Variants in SLIT3 observed in about 807,000 individuals in gnomAD.
The protein encoded by SLIT3 is slit homolog 3 protein.
Under a neutral mutation model 184.0 loss-of-function variants are expected in SLIT3, and 68 were observed. That is an observed-to-expected ratio of 0.37 (90% CI 0.30 to 0.45). The LOEUF is 0.45. Among genes scored for constraint, SLIT3 ranks in the 20% least tolerant of loss-of-function variants. SLIT3 has a pLI of 1.00. For synonymous variants in SLIT3, 831 were observed against 828.6 expected, an observed-to-expected ratio of 1.00 and a Z score of -0.05; for missense variants, 1,707 against 2,026.0, an observed-to-expected ratio of 0.84 and a Z score of 3.02.
At chr5:168,885,719 C>T (rs1581177142) in intron 4 of SLIT3, among the ~76,000 whole-genome samples, 1 of 152,164 alleles carries the variant, frequency 6.6e-6, no homozygotes, top group African/African-American at 2.4e-5. Flanking sequence ...GGGGAGCAAA[C>T]AGGAGAGAGG....
At chr5:169,151,021 G>A (rs1177501147) in intron 4 of SLIT3, among the ~76,000 whole-genome samples, 2 of 152,126 alleles carry the variant, frequency 1.3e-5, no homozygotes, top group East Asian at 1.9e-4. Flanking sequence ...CAGATAAGAA[G>A]GATCTAGTAG....
At chr5:169,177,963 A>G (rs1763034645) in intron 4 of SLIT3, among the ~76,000 whole-genome samples, 1 of 152,020 alleles carries the variant, frequency 6.6e-6, no homozygotes, top group Admixed American at 6.6e-5. Flanking sequence ...AATCACTCTC[A>G]CGTGAGGTTT....
chr5:169,251,457 T>A lies in SLIT3; in HGVS notation c.200A>T (p.Asp67Val). The A allele has an allele frequency of 6.2e-7, 1 of 1,611,042 alleles. No homozygotes were observed. The highest frequency in any genetic ancestry group is 8.5e-7 in the Non-Finnish European group (1 of 1,177,232). Residue 67 changes from aspartate to valine, a missense_variant and splice_region_variant, in exon 2 of 36, where the codon GAC (aspartate) becomes GTC (valine). Around this residue, in one of 3 missense-constraint regions of SLIT3, gnomAD observed 1,307 missense variants for 1,511.6 expected, o/e 0.86. Transcript: ENST00000519560. ...CCTGGTGATATTATTTCTGTCCAGG[T>A]CACTGCAATGGAGAGCAAATTCAGG... The part of the protein sequence containing the change: ...RGIPRNAERL[D>V]LDRNNITRIT...
chr5:168,781,142 A>G (rs1385572714), intron 12 of SLIT3, among the ~76,000 whole-genome samples: 1 of 152,210 alleles, frequency 6.6e-6, no homozygotes, highest in Non-Finnish European at 1.5e-5. Flanking sequence ...GCCTGTCTGA[A>G]AAACAAGACC....
intron 1 of SLIT3, among the ~76,000 whole-genome samples, chr5:169,262,981 T>G (rs564337608): frequency 3.0e-4 from 45 of 152,300 alleles, no homozygotes; most frequent in Non-Finnish European, 2.4e-4. Context: ...TCTTTGCAGA[T>G]GTAATCAGGT....
At chr5:169,286,373 G>A (rs1187240073) in intron 1 of SLIT3, among the ~76,000 whole-genome samples, 1 of 151,618 alleles carries the variant, frequency 6.6e-6, no homozygotes, top group Non-Finnish European at 1.5e-5. Context: ...CTAATTATTT[G>A]AGCCTTAATC....
At chr5:169,180,396 T>G (rs938487586) in intron 4 of SLIT3, among the ~76,000 whole-genome samples, 1 of 152,166 alleles carries the variant, frequency 6.6e-6, no homozygotes, top group Non-Finnish European at 1.5e-5. Context: ...CATTGGAACT[T>G]TTAACTGGGG....
chr5:168,852,374 C>T (rs143056704), intron 5 of SLIT3, among the ~76,000 whole-genome samples: 79 of 152,308 alleles, frequency 5.2e-4, no homozygotes, highest in African/African-American at 1.7e-3. Flanking sequence ...AATTTTCCCA[C>T]TGGGCTCTAA....
chr5:169,111,112 T>A (rs1760393839), intron 4 of SLIT3, among the ~76,000 whole-genome samples: 2 of 152,278 alleles, frequency 1.3e-5, no homozygotes, highest in South Asian at 4.1e-4. Context: ...ATTTTTCACC[T>A]CGTCTCTACC....
At chr5:169,097,986 A>T (rs1472070036) in intron 4 of SLIT3, among the ~76,000 whole-genome samples, 1 of 152,176 alleles carries the variant, frequency 6.6e-6, no homozygotes, top group African/African-American at 2.4e-5. Flanking sequence ...CTTTTAAAAA[A>T]TTTTTAAAAT....
intron 14 of SLIT3, chr5:168,768,323 C>T (rs371867431): frequency 4.3e-5 from 20 of 465,820 alleles, no homozygotes; most frequent in African/African-American, 8.0e-5. Context: ...CGTGGAGAAG[C>T]GGAAGCCGGA....
chr5:168,772,841 G>A lies in SLIT3; in HGVS notation c.1399C>T (p.Pro467Ser). ...IETSGARCSS[P>S]RRLANKRISQ... is the part of the protein sequence containing the mutation. ...ATGCGCTTGTTGGCGAGTCGGCGCG[G>A]GCTGCTGCAGCGGGCCCCGCTTGTC... The change falls in exon 14 of 36, where the codon CCG becomes TCG. Residue 467 changes from proline to serine, a missense_variant. Coordinates refer to ENST00000519560, the MANE Select transcript of SLIT3 (RefSeq NM_003062.4). 1 of 1,614,154 alleles carries A rather than the reference G, an allele frequency of 6.2e-7. No individual in the cohort carries two copies. Among genetic ancestry groups the A allele is most frequent in the Non-Finnish European group, 8.5e-7 (1 of 1,180,032 alleles).
At chr5:168,820,554 G>A (rs1221599757) in intron 7 of SLIT3, among the ~76,000 whole-genome samples, 1 of 152,146 alleles carries the variant, frequency 6.6e-6, no homozygotes, top group Non-Finnish European at 1.5e-5. Flanking sequence ...TGTTAATTAC[G>A]ACTGACAGGA....
intron 5 of SLIT3, among the ~76,000 whole-genome samples, chr5:168,873,196 TG>T (rs1371553943): frequency 2.1e-4 from 32 of 152,296 alleles, no homozygotes; most frequent in African/African-American, 7.5e-4. Flanking sequence ...GGGATCCCGC[TG>T]TAGCCTTGCC....
Position 168,804,895 on chromosome 5 carries a change from G to GT in SLIT3, c.935+1550dup, listed in dbSNP as rs1248176264. Among the ~76,000 whole-genome samples the GT allele has an allele frequency of 2.0e-5, 3 of 152,072 alleles. 1 individual carries two copies. The East Asian group carries it at 5.8e-4, about 29-fold the overall frequency. ...CTCATCCCCTGTTACCATCCCTTTT[G>GT]TCTACTCTACTCCAGCCACACTGGC... On this transcript the variant is annotated intron_variant, in intron 9 of 35. Coordinates refer to ENST00000519560, the MANE Select transcript of SLIT3 (RefSeq NM_003062.4).
At chr5:168,976,780 ATTGAT>A (rs1475236743) in intron 4 of SLIT3, among the ~76,000 whole-genome samples, 1 of 152,170 alleles carries the variant, frequency 6.6e-6, no homozygotes, top group Non-Finnish European at 1.5e-5. Context: ...TGCAGTTCCT[ATTGAT>A]TTAAGTGATG....
chr5:168,868,747 C>CAAAAAAAAAA (rs375837097), intron 5 of SLIT3, among the ~76,000 whole-genome samples: 2 of 69,304 alleles, frequency 2.9e-5, no homozygotes, highest in African/African-American at 5.4e-5. Context: ...GAATCTGCCT[C>CAAAAAAAAAA]AAAAAAAAAA....
At chr5:168,749,727 AAGG>A in intron 18 of SLIT3, 92 bp from the exon 19 acceptor site, 2 of 1,386,910 alleles carry the variant, frequency 1.4e-6, no homozygotes, top group Non-Finnish European at 1.0e-6. Context: ...CCTAGCCAGG[AAGG>A]AGGAGGTCTC....
chr5:169,279,582 A>G (rs1042215206), intron 1 of SLIT3, among the ~76,000 whole-genome samples: 1 of 152,222 alleles, frequency 6.6e-6, no homozygotes, highest in African/African-American at 2.4e-5. Context: ...CCAATTCCAC[A>G]GGGTTCAACC....
Sources: gnomAD v4.1 joint callset for allele counts (sites outside exome capture counted in the v4.1 genomes callset) on GRCh38, gnomAD v4.1.1 for gene constraint, gnomAD v4.1.1 regional missense constraint, MANE v1.5 for transcripts, NCBI Gene and HGNC (gene_info 2026-07-23, HGNC 2026-07-21) for gene names.